The following CPEB1 variants were observed in gnomAD, a reference collection of about 807,000 sequenced individuals.
CPEB1 encodes cytoplasmic polyadenylation element-binding protein 1.
Under a neutral mutation model 65.8 loss-of-function variants are expected in CPEB1, and 7 were observed. The ratio of observed to expected loss-of-function variants is 0.11; its 90% CI spans 0.06 to 0.20. The LOEUF (loss-of-function observed/expected upper bound fraction) is 0.20, where lower values mean the gene tolerates loss of function less well. Among genes scored for constraint, CPEB1 ranks in the 10% least tolerant of loss-of-function variants. The probability of loss-of-function intolerance (pLI) is 1.00; values close to 1 mark genes in which losing one functional copy is unlikely to be tolerated. For synonymous variants in CPEB1, 262 were observed against 260.0 expected, an observed-to-expected ratio of 1.01 and a Z score of -0.08; for missense variants, 551 against 712.2, an observed-to-expected ratio of 0.77 and a Z score of 2.58.
At chr15:82,591,386 C>T (rs951046810) in intron 3 of CPEB1, among the ~76,000 whole-genome samples, 2 of 152,106 alleles carry the variant, frequency 1.3e-5, no homozygotes, top group South Asian at 4.1e-4. Flanking sequence ...CTCAGCCTCC[C>T]GAGTAGCTGA....
chr15:82,569,720 G>C (rs948654218), intron 4 of CPEB1, among the ~76,000 whole-genome samples: 1 of 152,232 alleles, frequency 6.6e-6, no homozygotes, highest in African/African-American at 2.4e-5. Context: ...ATTTCAGAAA[G>C]AGCATTGTAG....
intron 3 of CPEB1, among the ~76,000 whole-genome samples, chr15:82,611,818 AT>A (rs1341025283): frequency 3.3e-5 from 5 of 152,110 alleles, no homozygotes; most frequent in Admixed American, 1.3e-4. Flanking sequence ...AGGAAAAAAA[AT>A]AAATGACACA....
chr15:82,592,103 A>C (rs970961141), intron 3 of CPEB1, among the ~76,000 whole-genome samples: 1 of 151,798 alleles, frequency 6.6e-6, no homozygotes. Context: ...CAGCCTCCCA[A>C]AGTGCTTGGA....
At chr15:82,568,369 T>A (rs2039482800) in intron 4 of CPEB1, among the ~76,000 whole-genome samples, 1 of 152,092 alleles carries the variant, frequency 6.6e-6, no homozygotes, top group Non-Finnish European at 1.5e-5. Flanking sequence ...AGGGTAGCCC[T>A]GGACATGAGA....
chr15:82,563,434 G>T (rs1337619449), intron 4 of CPEB1, among the ~76,000 whole-genome samples: 35 of 128,436 alleles, frequency 2.7e-4, no homozygotes, highest in African/African-American at 1.0e-3. Context: ...CACAATTACA[G>T]CTCACTGCAG....
chr15:82,611,308 T>C (rs1226962482), intron 3 of CPEB1, among the ~76,000 whole-genome samples: 1 of 151,884 alleles, frequency 6.6e-6, no homozygotes, highest in Admixed American at 6.6e-5. Flanking sequence ...AATCTGAAAA[T>C]AAAATTAACA....
In CPEB1 at chr15:82,549,473, G is replaced by A. The variant is rs540987926; in HGVS notation, c.1467C>T (p.His489=). Residue 489 remains histidine, a synonymous_variant, in exon 10 of 13, where the codon CAC becomes CAT. Transcript: ENST00000684509. ...VVYAGIDTDK[H]KYPIGSGRVT... is the part of the protein sequence containing the mutation. The stretch of plus-strand genomic sequence containing the variant: ...TGGGACACTTACCAATGGGATACTT[G>A]TGCTTATCTGTGTCAATCCCGGCAT... 2.5e-6 allele frequency: 4 copies of A among 1,614,206 alleles called. No individual in the cohort carries two copies. The highest frequency in any genetic ancestry group is 1.1e-5 in the South Asian group (1 of 91,078).
In CPEB1 at chr15:82,644,799, A is replaced by C. The variant is rs186836390; in HGVS notation, c.-98+2338T>G. ...TTTGCAACCCATTTTAAAGACTAAG[A>C]ATAAAACTAATGGTTGTGCTCAGTG... On this transcript the variant is annotated intron_variant, in intron 1 of 12. Transcript: ENST00000684509. Among the ~76,000 whole-genome samples the C allele has an allele frequency of 8.7e-3, 1,320 of 152,340 alleles. 14 individuals carry two copies. Among genetic ancestry groups the C allele is most frequent in the African/African-American group, 0.03 (1,255 of 41,558 alleles).
chr15:82,627,838 C>G (rs79840709), intron 2 of CPEB1, among the ~76,000 whole-genome samples: 1,913 of 152,190 alleles, frequency 0.013, 21 homozygotes, highest in Admixed American at 0.023. Flanking sequence ...CAGAAAGTAC[C>G]TTGCCAGTAA....
At chr15:82,639,038 A>T (rs970478346) in intron 1 of CPEB1, among the ~76,000 whole-genome samples, 2 of 152,230 alleles carry the variant, frequency 1.3e-5, no homozygotes, top group African/African-American at 4.8e-5. Context: ...AGAATTATAA[A>T]AATACTTCTG....
Position 82,546,575 on chromosome 15 carries a change from A to C in CPEB1, c.1576-54T>G, listed in dbSNP as rs1433324956. 6.0e-6 allele frequency: 8 copies of C among 1,325,996 alleles called. No individual in the cohort carries two copies. In the Admixed American group the frequency reaches 6.7e-5, roughly 11 times the overall value. The allele number at this position is 1,325,996 out of a possible 1,614,324, so 82.1% of individuals were successfully genotyped here. ...GTGGCTCTTCTTACCAGGAGGCTCG[A>C]TAGGCGATAGAAGAAGGGCACATTA... On this transcript the variant is annotated intron_variant, in intron 11 of 12. Transcript: ENST00000684509.
intron 3 of CPEB1, among the ~76,000 whole-genome samples, chr15:82,578,075 G>T (rs1482237090): frequency 6.6e-6 from 1 of 152,152 alleles, no homozygotes; most frequent in African/African-American, 2.4e-5. Flanking sequence ...AGGAGGCGGA[G>T]TTTGCAGTGA....
chr15:82,607,303 T>C (rs899122977), intron 3 of CPEB1, among the ~76,000 whole-genome samples: 13 of 152,060 alleles, frequency 8.5e-5, no homozygotes, highest in Admixed American at 6.5e-4. Flanking sequence ...AAGACACAAA[T>C]AGGGCTGGGC....
chr15:82,642,042 T>A (rs889587398), intron 1 of CPEB1, among the ~76,000 whole-genome samples: 1 of 152,250 alleles, frequency 6.6e-6, no homozygotes, highest in Non-Finnish European at 1.5e-5. Context: ...AAATATTACA[T>A]CATACATGTT....
chr15:82,584,131 C>T (rs955640810), intron 3 of CPEB1, among the ~76,000 whole-genome samples: 12 of 151,800 alleles, frequency 7.9e-5, no homozygotes, highest in Non-Finnish European at 1.0e-4. Flanking sequence ...TGGCGGTGGG[C>T]GCCTGCAGTC....
intron 1 of CPEB1, chr15:82,628,995 T>C (rs1027343192): frequency 1.3e-5 from 2 of 157,422 alleles, no homozygotes; most frequent in Non-Finnish European, 1.4e-5. Flanking sequence ...AAGTTATACA[T>C]AGATATTTGA....
At chr15:82,555,727 AAAGATAATTCT>A (rs1490739819) in intron 6 of CPEB1, 132 bp downstream of exon 6, 2 of 851,128 alleles carry the variant, frequency 2.3e-6, no homozygotes, top group Non-Finnish European at 3.5e-6. Context: ...TACTCCACAG[AAAGATAATTCT>A]TTGCAGATCT....
intron 1 of CPEB1, chr15:82,629,732 T>A (rs2046082704): frequency 3.7e-5 from 36 of 985,444 alleles, no homozygotes; most frequent in Non-Finnish European, 4.2e-5. Context: ...AAACTGGCAC[T>A]TAATATCTCA....
At chr15:82,562,265 T>A in intron 4 of CPEB1, 1 of 450,532 alleles carries the variant, frequency 2.2e-6, no homozygotes, top group South Asian at 1.6e-5. Context: ...ACTACTGATC[T>A]TCCCTACCAG....
Sources: allele counts gnomAD v4.1 joint callset (sites outside exome capture counted in the v4.1 genomes callset), GRCh38; gene constraint gnomAD v4.1.1; transcripts MANE v1.5; gene names NCBI Gene and HGNC (gene_info 2026-07-23, HGNC 2026-07-21).